ARMH3: variants seen among roughly 807,000 people sequenced by gnomAD.
The protein encoded by ARMH3 is armadillo like helical domain containing 3.
In ARMH3, 60 loss-of-function variants were observed where a neutral mutation model predicts 99.1. That is an observed-to-expected ratio of 0.61 (90% CI 0.49 to 0.75). The LOEUF (loss-of-function observed/expected upper bound fraction) is 0.75, where lower values mean the gene tolerates loss of function less well. Ranked by LOEUF, ARMH3 falls within the 30% of genes least tolerant of loss-of-function variation. The pLI, the probability that ARMH3 is intolerant of heterozygous loss-of-function variation, is 0.00. For missense variants in ARMH3, 679 were observed against 843.1 expected, an observed-to-expected ratio of 0.81 and a Z score of 2.41; for synonymous variants, 285 against 292.8, an observed-to-expected ratio of 0.97 and a Z score of 0.27.
Position 101,919,797 on chromosome 10 carries a change from C to T in ARMH3, c.1781+20066G>A, listed in dbSNP as rs763379460. On this transcript the variant is annotated intron_variant, in intron 23 of 25. Coordinates refer to ENST00000370033, the MANE Select transcript of ARMH3 (RefSeq NM_024541.3). Reference sequence around the variant, plus strand: ...CATTTCTTCTAGATTTTAACCCTTACCTTTTTCCTTCAAACCTTTTACTCT... The same window carrying T: ...CATTTCTTCTAGATTTTAACCCTTATCTTTTTCCTTCAAACCTTTTACTCT... Among the ~76,000 whole-genome samples, 22 of 152,220 alleles carry T rather than the reference C, an allele frequency of 1.4e-4. 1 individual carries two copies. The highest frequency in any genetic ancestry group is 1.0e-4 in the Non-Finnish European group (7 of 68,040).
chr10:102,036,162 G>T (rs1258440023), intron 2 of ARMH3, among the ~76,000 whole-genome samples: 1 of 65,842 alleles, frequency 1.5e-5, no homozygotes, highest in African/African-American at 4.8e-5. Context: ...GGAGGGAGGT[G>T]GGGGGTCAGC....
At chr10:102,022,323 C>A (rs1223094054) in intron 8 of ARMH3, among the ~76,000 whole-genome samples, 1 of 150,438 alleles carries the variant, frequency 6.6e-6, no homozygotes, top group African/African-American at 2.4e-5. Context: ...CAAAAAAAAA[C>A]AACTAAAAAA....
chr10:102,037,628 A>G (rs2067308644), intron 2 of ARMH3, among the ~76,000 whole-genome samples: 1 of 152,004 alleles, frequency 6.6e-6, no homozygotes, highest in Non-Finnish European at 1.5e-5. Context: ...GGCTGGATGC[A>G]ATGGTGCAAT....
intron 13 of ARMH3, 100 bp from the exon 14 acceptor site, chr10:102,006,733 A>ATTT: frequency 1.1e-6 from 1 of 920,918 alleles, no homozygotes; most frequent in South Asian, 1.9e-5. Flanking sequence ...GGACCTTATA[A>ATTT]TTTTTTTTTT....
chr10:102,011,308 G>A (rs2136110157), intron 11 of ARMH3, among the ~76,000 whole-genome samples: 1 of 152,230 alleles, frequency 6.6e-6, no homozygotes, highest in South Asian at 2.1e-4. Context: ...ATTCAGGAGA[G>A]CACTCAGATC....
intron 20 of ARMH3, among the ~76,000 whole-genome samples, chr10:101,972,842 C>T (rs1845831034): frequency 6.6e-6 from 1 of 152,148 alleles, no homozygotes; most frequent in South Asian, 2.1e-4. Flanking sequence ...TGCCTAAGGA[C>T]ACTCATATAT....
chr10:101,939,764 T>C (rs1844155219), intron 23 of ARMH3, 99 bp downstream of exon 23: 6 of 1,019,172 alleles, frequency 5.9e-6, no homozygotes, highest in African/African-American at 4.8e-5. Context: ...ACATCAAGGC[T>C]TAAAATAGTA....
At chr10:101,944,985 T>C (rs565533860) in intron 22 of ARMH3, among the ~76,000 whole-genome samples, 1 of 152,304 alleles carries the variant, frequency 6.6e-6, no homozygotes, top group South Asian at 2.1e-4. Context: ...TAAAAAATGG[T>C]GTTCTACTTC....
At chr10:101,984,575 T>C (rs554164618) in intron 19 of ARMH3, among the ~76,000 whole-genome samples, 2 of 151,920 alleles carry the variant, frequency 1.3e-5, no homozygotes, top group Non-Finnish European at 2.9e-5. Flanking sequence ...ACTGAGCCAC[T>C]CCAGAGCACC....
Position 102,001,874 on chromosome 10 carries a change from C to T in ARMH3, c.1150+97G>A, listed in dbSNP as rs553840727. Reference sequence around the variant, plus strand: ...CCATGTACACAAGGCCCCAATAGTTCATCTTGTCAAAGCTTCAAAATATTA... The same window carrying T: ...CCATGTACACAAGGCCCCAATAGTTTATCTTGTCAAAGCTTCAAAATATTA... On this transcript the variant is annotated intron_variant, in intron 15 of 25. Coordinates refer to ENST00000370033, the MANE Select transcript of ARMH3 (RefSeq NM_024541.3). The T allele has an allele frequency of 6.3e-6, 7 of 1,108,354 alleles. No homozygotes were observed. In the East Asian group the frequency reaches 1.7e-4, roughly 26 times the overall value. 68.7% of individuals were successfully genotyped at this position (1,108,354 alleles called of 1,614,324 possible).
chr10:101,853,050 A>ATT (rs747143889), intron 24 of ARMH3, among the ~76,000 whole-genome samples: 344 of 129,540 alleles, frequency 2.7e-3, no homozygotes, highest in African/African-American at 9.1e-3. Flanking sequence ...TGCTTGGCTA[A>ATT]TTTTTTTTTT....
chr10:101,968,795 GA>G (rs1345698941), intron 20 of ARMH3, among the ~76,000 whole-genome samples: 1 of 152,144 alleles, frequency 6.6e-6, no homozygotes, highest in Non-Finnish European at 1.5e-5. Context: ...ATTTGAAAGG[GA>G]AAAAAGCTTC....
At chr10:101,857,701 C>G (rs1026950981) in intron 24 of ARMH3, among the ~76,000 whole-genome samples, 2 of 152,166 alleles carry the variant, frequency 1.3e-5, no homozygotes, top group Non-Finnish European at 2.9e-5. Flanking sequence ...ACTTTTCCTA[C>G]AAAAATGAGA....
At chr10:101,923,277 A>G (rs1043659602) in intron 23 of ARMH3, among the ~76,000 whole-genome samples, 4 of 152,218 alleles carry the variant, frequency 2.6e-5, no homozygotes, top group Non-Finnish European at 5.9e-5. Context: ...ATGTAACACT[A>G]TATTTATAAT....
chr10:101,939,283 T>C (rs1319809778), intron 23 of ARMH3, among the ~76,000 whole-genome samples: 1 of 152,170 alleles, frequency 6.6e-6, no homozygotes, highest in African/African-American at 2.4e-5. Flanking sequence ...GAAAGCACTT[T>C]CTCTTCTCCA....
chr10:101,938,171 G>A (rs1176981674), intron 23 of ARMH3, among the ~76,000 whole-genome samples: 1 of 152,194 alleles, frequency 6.6e-6, no homozygotes, highest in African/African-American at 2.4e-5. Context: ...ACCTGTCCAT[G>A]ACTGGATCTT....
At chr10:101,954,283 C>T (rs1019053823) in intron 22 of ARMH3, among the ~76,000 whole-genome samples, 3 of 152,148 alleles carry the variant, frequency 2.0e-5, no homozygotes, top group Admixed American at 2.0e-4. Flanking sequence ...AAACTGGAAA[C>T]CTTCCAAATG....
intron 23 of ARMH3, among the ~76,000 whole-genome samples, chr10:101,911,012 C>T (rs1327027455): frequency 2.0e-5 from 3 of 151,722 alleles, no homozygotes; most frequent in African/African-American, 4.8e-5. Context: ...AGGTGGCAGG[C>T]GCCTGTAATC....
chr10:102,020,451 T>C (rs953404582), intron 8 of ARMH3, among the ~76,000 whole-genome samples: 2 of 151,254 alleles, frequency 1.3e-5, no homozygotes, highest in Non-Finnish European at 2.9e-5. Flanking sequence ...CCGAGGCGGG[T>C]GGATCACGAG....
Sources: allele counts gnomAD v4.1 joint callset (sites outside exome capture counted in the v4.1 genomes callset), GRCh38; gene constraint gnomAD v4.1.1; transcripts MANE v1.5; gene names NCBI Gene and HGNC (gene_info 2026-07-23, HGNC 2026-07-21).